Variants in SLC35F3 observed in about 807,000 individuals in gnomAD.
The protein encoded by SLC35F3 is putative thiamine transporter SLC35F3.
A neutral mutation model predicts 49.9 loss-of-function variants in SLC35F3; 25 were observed. The ratio of observed to expected loss-of-function variants is 0.50; its 90% confidence interval spans 0.37 to 0.70. The LOEUF is 0.70. SLC35F3 is among the 30% of genes least tolerant of loss of function. The pLI, the probability that SLC35F3 is intolerant of heterozygous loss-of-function variation, is 0.00. For synonymous variants in SLC35F3, 275 were observed against 265.4 expected (o/e 1.04, Z -0.35); for missense variants, 525 against 639.8 (o/e 0.82, Z 1.94).
intron 2 of SLC35F3, among the ~76,000 whole-genome samples, chr1:233,986,268 A>G (rs948016097): frequency 6.6e-6 from 1 of 152,056 alleles, no homozygotes; most frequent in African/African-American, 2.4e-5. Context: ...TTTTCAAATA[A>G]TTCTTTGAGG....
rs138109771 is a variant in SLC35F3, at chr1:233,971,576, C to T, written c.283+65818C>T. Among the ~76,000 whole-genome samples, 125 of 152,148 alleles carry T rather than the reference C, an allele frequency of 8.2e-4. 1 individual carries two copies. In the East Asian group the frequency reaches 0.022, roughly 26 times the overall value. On this transcript the variant is annotated intron_variant, in intron 2 of 7. Coordinates refer to ENST00000366618, the MANE Select transcript of SLC35F3 (RefSeq NM_173508.4). Reference sequence around the variant, plus strand: ...CTTTACTAAGAATACAAAAATTAGCCAGCGTGGTGGTGGTAGCCTGTAATC... The same window carrying T: ...CTTTACTAAGAATACAAAAATTAGCTAGCGTGGTGGTGGTAGCCTGTAATC...
intron 2 of SLC35F3, among the ~76,000 whole-genome samples, chr1:234,057,926 C>G (rs1021712134): frequency 1.1e-4 from 16 of 152,094 alleles, no homozygotes; most frequent in African/African-American, 3.9e-4. Context: ...AGGCTGGTCT[C>G]GAACTCCTGA....
At chr1:234,055,667 C>T (rs1664446201) in intron 2 of SLC35F3, among the ~76,000 whole-genome samples, 1 of 152,226 alleles carries the variant, frequency 6.6e-6, no homozygotes, top group South Asian at 2.1e-4. Flanking sequence ...CACTGTCTGA[C>T]AAGCCCCAGT....
chr1:234,091,896 A>G (rs1158745315), intron 2 of SLC35F3, among the ~76,000 whole-genome samples: 1 of 152,192 alleles, frequency 6.6e-6, no homozygotes, highest in East Asian at 1.9e-4. Flanking sequence ...ATTAGTGCCT[A>G]TCTTGTCCTC....
chr1:234,153,629 T>C (rs7536732), intron 2 of SLC35F3, among the ~76,000 whole-genome samples: 28,252 of 152,104 alleles, frequency 0.19, 4,143 homozygotes, highest in East Asian at 0.76. Context: ...CTGGTGTCTT[T>C]GAAAACTCAC....
intron 2 of SLC35F3, among the ~76,000 whole-genome samples, chr1:234,116,761 G>A (rs574912830): frequency 1.3e-5 from 2 of 152,208 alleles, no homozygotes; most frequent in South Asian, 2.1e-4. Flanking sequence ...TGATCCACCC[G>A]CCTTGGCCTC....
At chr1:234,256,453 C>T (rs867897699) in intron 3 of SLC35F3, among the ~76,000 whole-genome samples, 58 of 152,168 alleles carry the variant, frequency 3.8e-4, no homozygotes, top group African/African-American at 1.4e-3. Flanking sequence ...TGCTAACTGT[C>T]GTTAGGCTCT....
intron 2 of SLC35F3, among the ~76,000 whole-genome samples, chr1:233,908,006 G>A (rs1037816550): frequency 5.3e-5 from 8 of 152,182 alleles, no homozygotes; most frequent in African/African-American, 1.9e-4. Context: ...GATTATAGGC[G>A]TGAGCCACCA....
intron 2 of SLC35F3, among the ~76,000 whole-genome samples, chr1:233,914,401 T>G (rs1661934326): frequency 6.6e-6 from 1 of 152,080 alleles, no homozygotes; most frequent in Non-Finnish European, 1.5e-5. Flanking sequence ...CCTGTTTCCC[T>G]CCTACATCAA....
chr1:234,205,870 C>T (rs1666962250), intron 2 of SLC35F3, among the ~76,000 whole-genome samples: 4 of 152,300 alleles, frequency 2.6e-5, no homozygotes, highest in Admixed American at 2.6e-4. Context: ...CCAAGAGGCT[C>T]CTCTTGCCTG....
chr1:234,197,508 T>TA (rs1191208330), intron 2 of SLC35F3, among the ~76,000 whole-genome samples: 1 of 152,188 alleles, frequency 6.6e-6, no homozygotes, highest in African/African-American at 2.4e-5. Context: ...TGAGTGCTCA[T>TA]AAAACATTTA....
intron 2 of SLC35F3, among the ~76,000 whole-genome samples, chr1:233,991,070 A>G (rs186383888): frequency 6.6e-6 from 1 of 152,292 alleles, no homozygotes; most frequent in Non-Finnish European, 1.5e-5. Flanking sequence ...AGAGACTGCA[A>G]ATATGTGCAG....
In SLC35F3 at chr1:234,222,573, C is replaced by T. The variant is rs571421168; in HGVS notation, c.284-8844C>T. On this transcript the variant is annotated intron_variant, in intron 2 of 7. Transcript: ENST00000366618. ...CCATCCCCCCATAGCTGCCCAGCAC[C>T]GCCTTGGTGAGTCTGGTGGGCTGGC... is the stretch of plus-strand genomic sequence containing the variant. Among the ~76,000 whole-genome samples the T allele has an allele frequency of 8.5e-5, 13 of 152,304 alleles. No individual in the cohort carries two copies. In the East Asian group the frequency reaches 9.7e-4, roughly 11 times the overall value.
intron 2 of SLC35F3, among the ~76,000 whole-genome samples, chr1:233,994,101 A>G (rs1663416358): frequency 1.3e-5 from 2 of 152,318 alleles, no homozygotes; most frequent in Non-Finnish European, 2.9e-5. Context: ...GATTTGAAAC[A>G]TTTGTTACTT....
chr1:234,072,457 A>G (rs1454158400), intron 2 of SLC35F3, among the ~76,000 whole-genome samples: 1 of 152,242 alleles, frequency 6.6e-6, no homozygotes, highest in Non-Finnish European at 1.5e-5. Flanking sequence ...CTTGGTAGAA[A>G]GAGAGAGACA....
At chr1:234,247,405 TG>T (rs1315078224) in intron 3 of SLC35F3, among the ~76,000 whole-genome samples, 3 of 152,210 alleles carry the variant, frequency 2.0e-5, no homozygotes, top group Admixed American at 6.5e-5. Context: ...GTTGGTTGGC[TG>T]GTCCATTGTT....
At chr1:234,205,261 TGGG>T (rs1012415630) in intron 2 of SLC35F3, among the ~76,000 whole-genome samples, 13 of 152,186 alleles carry the variant, frequency 8.5e-5, no homozygotes, top group African/African-American at 3.1e-4. Context: ...GTCCTGCCTT[TGGG>T]GAGTATTACT....
intron 2 of SLC35F3, among the ~76,000 whole-genome samples, chr1:234,118,265 T>C (rs995053356): frequency 6.6e-6 from 1 of 152,202 alleles, no homozygotes; most frequent in African/African-American, 2.4e-5. Flanking sequence ...GTTGTTGTTG[T>C]AATGCACTTT....
intron 2 of SLC35F3, among the ~76,000 whole-genome samples, chr1:234,147,189 C>T (rs1359041842): frequency 6.7e-6 from 1 of 148,502 alleles, no homozygotes; most frequent in Non-Finnish European, 1.5e-5. Context: ...ATTTGACACC[C>T]TTTAATTCTG....
Sources: gnomAD v4.1 joint callset for allele counts (sites outside exome capture counted in the v4.1 genomes callset) on GRCh38, gnomAD v4.1.1 for gene constraint, MANE v1.5 for transcripts, NCBI Gene and HGNC (gene_info 2026-07-23, HGNC 2026-07-21) for gene names.